AKIRIN1: variants seen among roughly 807,000 people sequenced by gnomAD.
The protein encoded by AKIRIN1 is akirin-1.
A neutral mutation model predicts 25.9 loss-of-function variants in AKIRIN1; 4 were observed. The observed-to-expected ratio is 0.15, with a 90% CI of 0.08 to 0.35. The LOEUF (loss-of-function observed/expected upper bound fraction) is 0.35, where lower values mean the gene tolerates loss of function less well. Ranked by LOEUF, AKIRIN1 falls within the 10% of genes least tolerant of loss-of-function variation. AKIRIN1 has a pLI of 1.00. For synonymous variants in AKIRIN1, 125 were observed against 105.1 expected (o/e 1.19, Z -1.16); for missense variants, 243 against 266.1 (o/e 0.91, Z 0.61).
chr1:38,994,311 T>G (rs1322612189), intron 1 of AKIRIN1, among the ~76,000 whole-genome samples: 1 of 152,218 alleles, frequency 6.6e-6, no homozygotes, highest in Non-Finnish European at 1.5e-5. Context: ...TGTATGGTAC[T>G]TTTTGTGGAA....
At position 38,991,524 on chromosome 1, in the gene AKIRIN1, G is replaced by T; in HGVS notation, c.144G>T (p.Pro48=). The change falls in exon 1 of 5, where the codon CCG becomes CCT. Residue 48 remains proline, a synonymous_variant. Coordinates refer to ENST00000432648, the MANE Select transcript of AKIRIN1 (RefSeq NM_024595.3). ...LRPPDAEPPP[P]FQTQTPPQSL... ...CCCCGGACGCCGAGCCGCCGCCGCC[G>T]TTTCAGACGCAGACCCCACCGCAGA... The T allele has an allele frequency of 6.9e-7, 1 of 1,458,690 alleles. No homozygotes were observed. Among genetic ancestry groups the T allele is most frequent in the Admixed American group, 2.4e-5 (1 of 41,114 alleles). 90.4% of individuals were successfully genotyped at this position (1,458,690 alleles called of 1,614,324 possible). A position where few individuals can be genotyped will look rare whatever the true frequency, so the allele number is the denominator to read the frequency against.
Position 39,003,343 on chromosome 1 carries a change from A to G in AKIRIN1, c.497-4A>G. ...GAGGATAAGTATGTACTGTCTTCTC[A>G]CAGAACAATATGAATCTTTTGTGAA... On this transcript the variant is annotated splice_polypyrimidine_tract_variant and splice_region_variant and intron_variant, in intron 3 of 4. Transcript: ENST00000432648. 1.2e-6 allele frequency: 2 copies of G among 1,613,584 alleles called. No individual in the cohort carries two copies. Among genetic ancestry groups the G allele is most frequent in the South Asian group, 2.2e-5 (2 of 90,996 alleles).
rs1644009229 is a variant in AKIRIN1 at position 39,003,354 on chromosome 1, T to C, written c.504T>C (p.Tyr168=). The C allele has an allele frequency of 6.2e-7, 1 of 1,613,882 alleles. No individual in the cohort carries two copies. The highest frequency in any genetic ancestry group is 2.2e-5 in the East Asian group (1 of 44,868). The change falls in exon 4 of 5, where the codon TAT becomes TAC. Residue 168 remains tyrosine (Y), a synonymous_variant. Coordinates refer to ENST00000432648, the MANE Select transcript of AKIRIN1 (RefSeq NM_024595.3). ...QILNTKLAEQ[Y]ESFVKFTHDQ... ...TGTACTGTCTTCTCACAGAACAATA[T>C]GAATCTTTTGTGAAATTCACACATG...
At chr1:38,993,844 G>T (rs1230357528) in intron 1 of AKIRIN1, among the ~76,000 whole-genome samples, 1 of 152,020 alleles carries the variant, frequency 6.6e-6, no homozygotes, top group Non-Finnish European at 1.5e-5. Flanking sequence ...GCGGAGGCGG[G>T]CGGATCACCT....
At chr1:38,992,902 T>TA (rs995495748) in intron 1 of AKIRIN1, among the ~76,000 whole-genome samples, 10 of 152,224 alleles carry the variant, frequency 6.6e-5, no homozygotes, top group Non-Finnish European at 1.5e-4. Flanking sequence ...CTGTTCTACT[T>TA]AAATTCCCCG....
chr1:38,996,615 C>T (rs1016636071), intron 1 of AKIRIN1, among the ~76,000 whole-genome samples: 1 of 152,082 alleles, frequency 6.6e-6, no homozygotes, highest in Non-Finnish European at 1.5e-5. Context: ...GTGCAACCTC[C>T]ACCTCCCCGG....
Position 39,005,190 on chromosome 1 carries a change from C to G in AKIRIN1, c.*1135C>G, listed in dbSNP as rs772774955. 6.6e-6 allele frequency: 1 copy of G among 152,158 alleles called. No homozygotes were observed. Among genetic ancestry groups the G allele is most frequent in the Non-Finnish European group, 1.5e-5 (1 of 68,134 alleles). 9.4% of individuals were successfully genotyped at this position (152,158 alleles called of 1,614,324 possible). On this transcript the variant is annotated 3_prime_UTR_variant, in exon 5 of 5. Transcript: ENST00000432648. ...GGGCGTGGTGGCAGGCGTCTGTAAT[C>G]CCAGCTGCTTGGGAGGCTGAGGCAG... is the stretch of plus-strand genomic sequence containing the variant.
At chr1:38,999,753 G>T (rs1302193409) in intron 2 of AKIRIN1, among the ~76,000 whole-genome samples, 1 of 152,236 alleles carries the variant, frequency 6.6e-6, no homozygotes, top group Non-Finnish European at 1.5e-5. Flanking sequence ...GTTTCAGTGT[G>T]TTAAATGGCT....
rs1643988087 is a variant in AKIRIN1, at chr1:39,001,119, A to G, written c.496+13A>G. ...ACCAAACTAGCAGGTAGGCCCAGGC[A>G]GTGACTGCCATTGTCATTAACAGGG... On this transcript the variant is annotated intron_variant, in intron 3 of 4. Transcript: ENST00000432648. 1 of 1,601,282 alleles carries G rather than the reference A, an allele frequency of 6.2e-7. No individual in the cohort carries two copies. The highest frequency in any genetic ancestry group is 1.3e-5 in the African/African-American group (1 of 74,262).
chr1:39,004,202 G>T lies in AKIRIN1; in HGVS notation c.*147G>T. 1.1e-6 allele frequency: 1 copy of T among 890,150 alleles called. No homozygotes were observed. The highest frequency in any genetic ancestry group is 1.3e-5 in the South Asian group (1 of 74,162). 55.1% of individuals were successfully genotyped at this position (890,150 alleles called of 1,614,324 possible). A position where few individuals can be genotyped will look rare whatever the true frequency, so the allele number is the denominator to read the frequency against. On this transcript the variant is annotated 3_prime_UTR_variant, in exon 5 of 5. Transcript: ENST00000432648. ...TCTGCAGGTCCATTTTATACAACTT[G>T]AAAGACCGTAAAACTTTCTGGTTGC... is the stretch of plus-strand genomic sequence containing the variant.
chr1:39,000,215 A>G (rs1643978630), intron 2 of AKIRIN1, among the ~76,000 whole-genome samples: 1 of 152,006 alleles, frequency 6.6e-6, no homozygotes, highest in African/African-American at 2.4e-5. Context: ...TCAGAAAGCC[A>G]CTTGTGGGAT....
intron 1 of AKIRIN1, among the ~76,000 whole-genome samples, chr1:38,991,860 G>A (rs1643908603): frequency 6.6e-6 from 1 of 152,066 alleles, no homozygotes; most frequent in African/African-American, 2.4e-5. Flanking sequence ...GAGGAAGATG[G>A]GAATACCTCT....
chr1:38,996,100 T>G (rs1162688706), intron 1 of AKIRIN1, among the ~76,000 whole-genome samples: 1 of 152,162 alleles, frequency 6.6e-6, no homozygotes, highest in African/African-American at 2.4e-5. Flanking sequence ...AGCACTGTTT[T>G]GTTTTGTTTT....
rs1300558465 is a variant in AKIRIN1 at position 39,001,097 on chromosome 1, A to G, written c.487A>G (p.Lys163Glu). Residue 163 changes from lysine to glutamate, a missense_variant, in exon 3 of 5, where the codon AAA (lysine) becomes GAA (glutamate). Coordinates refer to ENST00000432648, the MANE Select transcript of AKIRIN1 (RefSeq NM_024595.3). ...REEYEQILNTKLAEQYESFVK... is the reference protein window; with the variant it reads ...REEYEQILNTELAEQYESFVK... ...GGAGTATGAGCAAATCCTCAATACC[A>G]AACTAGCAGGTAGGCCCAGGCAGTG... The G allele has an allele frequency of 6.2e-7, 1 of 1,611,202 alleles. No individual in the cohort carries two copies. The highest frequency in any genetic ancestry group is 8.5e-7 in the Non-Finnish European group (1 of 1,178,904).
intron 1 of AKIRIN1, among the ~76,000 whole-genome samples, chr1:38,996,679 G>A (rs1214150051): frequency 6.6e-6 from 1 of 152,060 alleles, no homozygotes; most frequent in Non-Finnish European, 1.5e-5. Flanking sequence ...ACAGGCACGT[G>A]CCACCACGCC....
chr1:39,003,593 G>C (rs1375062024), intron 4 of AKIRIN1, among the ~76,000 whole-genome samples, 175 bp downstream of exon 4: 1 of 152,152 alleles, frequency 6.6e-6, no homozygotes, highest in Non-Finnish European at 1.5e-5. Flanking sequence ...CCCTATGAGG[G>C]AGTACTATTA....
At chr1:39,002,955 C>T (rs1644005766) in intron 3 of AKIRIN1, among the ~76,000 whole-genome samples, 1 of 152,208 alleles carries the variant, frequency 6.6e-6, no homozygotes, top group South Asian at 2.1e-4. Flanking sequence ...TTCTTCCACT[C>T]ATGTTTTTCA....
rs757078154 is a variant in AKIRIN1 at position 39,000,989 on chromosome 1, A to C, written c.379A>C (p.Lys127Gln). 1.2e-6 allele frequency: 2 copies of C among 1,612,278 alleles called. No homozygotes were observed. Among genetic ancestry groups the C allele is most frequent in the Non-Finnish European group, 1.7e-6 (2 of 1,179,344 alleles). ...TTGGCCAGGTTCCTCATGGATGAAG[A>C]AGGACCAGCCCACATTTACCCTCCG... is the stretch of plus-strand genomic sequence containing the variant. ...PSSPGSSWMK[K>Q]DQPTFTLRQV... Residue 127 changes from lysine (K) to glutamine (Q), a missense_variant, in exon 3 of 5, where the codon AAG becomes CAG. Around this residue, in one of 3 missense-constraint regions of AKIRIN1, gnomAD observed 190 missense variants for 174.4 expected, o/e 1.09. Coordinates refer to ENST00000432648, the MANE Select transcript of AKIRIN1 (RefSeq NM_024595.3).
rs1450237062 is a variant in AKIRIN1 at position 39,004,219 on chromosome 1, T to C, written c.*164T>C. 1 of 779,494 alleles carries C rather than the reference T, an allele frequency of 1.3e-6. No individual in the cohort carries two copies. Among genetic ancestry groups the C allele is most frequent in the East Asian group, 2.6e-5 (1 of 38,842 alleles). 48.3% of individuals were successfully genotyped at this position (779,494 alleles called of 1,614,324 possible). Reference sequence around the variant, plus strand: ...TACAACTTGAAAGACCGTAAAACTTTCTGGTTGCCACAAGCATATCTTTCT... The same window carrying C: ...TACAACTTGAAAGACCGTAAAACTTCCTGGTTGCCACAAGCATATCTTTCT... On this transcript the variant is annotated 3_prime_UTR_variant, in exon 5 of 5. Coordinates refer to ENST00000432648, the MANE Select transcript of AKIRIN1 (RefSeq NM_024595.3).
Sources: allele counts gnomAD v4.1 joint callset (sites outside exome capture counted in the v4.1 genomes callset), GRCh38; gene constraint gnomAD v4.1.1; regional missense constraint gnomAD v4.1.1; transcripts MANE v1.5; gene names NCBI Gene and HGNC (gene_info 2026-07-23, HGNC 2026-07-21).